Variants in SLC22A2 observed in about 807,000 individuals in gnomAD.
SLC22A2 encodes the protein solute carrier family 22 member 2.
SLC22A2 carries 46 observed loss-of-function variants against 60.5 expected under a neutral mutation model. The observed-to-expected ratio is 0.76, with a 90% CI of 0.60 to 0.97. The LOEUF (loss-of-function observed/expected upper bound fraction) is 0.97, where lower values mean the gene tolerates loss of function less well. SLC22A2 is among the 50% of genes least tolerant of loss of function. The pLI is 0.00. For missense variants in SLC22A2, 701 were observed against 706.6 expected, an observed-to-expected ratio of 0.99 and a Z score of 0.09; for synonymous variants, 303 against 267.0, an observed-to-expected ratio of 1.13 and a Z score of -1.31.
chr6:160,240,357 T>C lies in SLC22A2; in HGVS notation c.1501+1117A>G, dbSNP rs531977656. Among the ~76,000 whole-genome samples the C allele has an allele frequency of 1.2e-4, 18 of 152,200 alleles. No homozygotes were observed. The South Asian group carries it at 3.7e-3, about 32-fold the overall frequency. ...AATTATGCAGGCCTCTCTGAGTAGGTGGAGGAATGACTGATCTTGTCTTTA... is the reference window on the plus strand; with the variant it reads ...AATTATGCAGGCCTCTCTGAGTAGGCGGAGGAATGACTGATCTTGTCTTTA... On this transcript the variant is annotated intron_variant, in intron 9 of 10. Coordinates refer to ENST00000366953, the MANE Select transcript of SLC22A2 (RefSeq NM_003058.4).
At chr6:160,226,633 C>T (rs1298272986) in intron 9 of SLC22A2, among the ~76,000 whole-genome samples, 4 of 152,162 alleles carry the variant, frequency 2.6e-5, no homozygotes, top group African/African-American at 4.8e-5. Flanking sequence ...GTTGGAATCT[C>T]GGAGCCTACT....
chr6:160,242,235 TTCCAGCC>T, intron 8 of SLC22A2, 52 bp downstream of exon 8: 1 of 920,596 alleles, frequency 1.1e-6, no homozygotes, highest in Non-Finnish European at 1.8e-6. Flanking sequence ...CTTGTGGTGG[TTCCAGCC>T]AATGAACAAA....
chr6:160,257,809 A>G (rs1783298518), intron 1 of SLC22A2: 1 of 152,314 alleles, frequency 6.6e-6, no homozygotes, highest in Admixed American at 6.5e-5. Flanking sequence ...TGTCATCTGT[A>G]GTTTTTAACA....
At chr6:160,219,444 G>C (rs574212914) in intron 10 of SLC22A2, among the ~76,000 whole-genome samples, 13 of 128,662 alleles carry the variant, frequency 1.0e-4, no homozygotes, top group African/African-American at 3.8e-4. Context: ...CAAGCACTGC[G>C]ACGGGTGCTT....
chr6:160,220,819 C>T (rs967502611), intron 10 of SLC22A2, among the ~76,000 whole-genome samples: 41 of 152,106 alleles, frequency 2.7e-4, no homozygotes, highest in African/African-American at 8.4e-4. Context: ...TAGGTCTAAA[C>T]GGCGGGCTTA....
chr6:160,253,976 A>G (rs747579941), intron 2 of SLC22A2, among the ~76,000 whole-genome samples: 22 of 152,310 alleles, frequency 1.4e-4, no homozygotes, highest in Non-Finnish European at 2.8e-4. Flanking sequence ...CAAGCATGAC[A>G]CAGTAAATAT....
At chr6:160,253,686 T>G (rs980842174) in intron 2 of SLC22A2, among the ~76,000 whole-genome samples, 1 of 152,210 alleles carries the variant, frequency 6.6e-6, no homozygotes, top group Non-Finnish European at 1.5e-5. Context: ...TTATATACAT[T>G]TACAACTAAA....
At chr6:160,242,193 G>T in intron 8 of SLC22A2, 101 bp downstream of exon 8, 1 of 775,338 alleles carries the variant, frequency 1.3e-6, no homozygotes, top group African/African-American at 1.7e-5. Context: ...CCCTTACACT[G>T]TGTTTTGAAG....
At chr6:160,235,427 G>T (rs1012111773) in intron 9 of SLC22A2, among the ~76,000 whole-genome samples, 1 of 94,288 alleles carries the variant, frequency 1.1e-5, no homozygotes, top group Non-Finnish European at 2.3e-5. Flanking sequence ...TATAGGAAAT[G>T]GGCTGATTTC....
intron 2 of SLC22A2, among the ~76,000 whole-genome samples, chr6:160,255,958 A>G (rs1455681639): frequency 1.3e-5 from 2 of 152,152 alleles, no homozygotes; most frequent in African/African-American, 4.8e-5. Context: ...CTTGATCCAT[A>G]CAAACACTGA....
intron 1 of SLC22A2, among the ~76,000 whole-genome samples, chr6:160,257,041 T>C (rs1244919483): frequency 6.6e-6 from 1 of 152,138 alleles, no homozygotes; most frequent in Non-Finnish European, 1.5e-5. Context: ...GCTGGCATTA[T>C]AGGCGTGAGC....
At chr6:160,239,789 G>C (rs1027930283) in intron 9 of SLC22A2, among the ~76,000 whole-genome samples, 10 of 152,202 alleles carry the variant, frequency 6.6e-5, no homozygotes, top group African/African-American at 2.4e-4. Flanking sequence ...TAAAGAGCTT[G>C]TGCTCTGTCA....
intron 1 of SLC22A2, among the ~76,000 whole-genome samples, 183 bp from the exon 2 acceptor site, chr6:160,256,900 C>G (rs73029407): frequency 3.4e-5 from 2 of 59,132 alleles, no homozygotes; most frequent in Admixed American, 1.8e-4. Flanking sequence ...CTCTCTCTCT[C>G]TCTTTTTTTT....
chr6:160,223,429 G>A (rs957729651), intron 10 of SLC22A2, among the ~76,000 whole-genome samples: 1 of 152,102 alleles, frequency 6.6e-6, no homozygotes, highest in African/African-American at 2.4e-5. Context: ...ACAAATGATA[G>A]AATATATACA....
At chr6:160,248,173 T>A (rs1183294872) in intron 4 of SLC22A2, among the ~76,000 whole-genome samples, 1 of 152,190 alleles carries the variant, frequency 6.6e-6, no homozygotes, top group Non-Finnish European at 1.5e-5. Flanking sequence ...TGGCAGGTAA[T>A]TAAGTTTAGC....
chr6:160,234,531 T>C (rs776095879), intron 9 of SLC22A2, among the ~76,000 whole-genome samples: 1 of 152,152 alleles, frequency 6.6e-6, no homozygotes, highest in African/African-American at 2.4e-5. Flanking sequence ...CTTTCTCTCC[T>C]TTCTCTTTTC....
chr6:160,220,553 A>T (rs1347322899), intron 10 of SLC22A2, among the ~76,000 whole-genome samples: 1 of 152,212 alleles, frequency 6.6e-6, no homozygotes, highest in Non-Finnish European at 1.5e-5. Context: ...AAGGTTTTTC[A>T]ATGTACTTTG....
intron 10 of SLC22A2, among the ~76,000 whole-genome samples, 195 bp from the exon 11 acceptor site, chr6:160,217,693 G>T (rs3103352): frequency 1.3e-5 from 2 of 152,098 alleles, no homozygotes; most frequent in African/African-American, 2.4e-5. Context: ...TGTCGACAGA[G>T]TTATTCCTAA....
chr6:160,254,563 A>G (rs1335235430), intron 2 of SLC22A2, among the ~76,000 whole-genome samples: 1 of 152,224 alleles, frequency 6.6e-6, no homozygotes, highest in Non-Finnish European at 1.5e-5. Flanking sequence ...GTCCTATTGT[A>G]TAAAATCTGG....
Sources: gnomAD v4.1 joint callset for allele counts (sites outside exome capture counted in the v4.1 genomes callset) on GRCh38, gnomAD v4.1.1 for gene constraint, MANE v1.5 for transcripts, NCBI Gene and HGNC (gene_info 2026-07-23, HGNC 2026-07-21) for gene names.